Variants in KCNC2 observed in about 807,000 individuals in gnomAD.
KCNC2 encodes the protein potassium voltage-gated channel subfamily C member 2.
Under a neutral mutation model 44.5 loss-of-function variants are expected in KCNC2, and 21 were observed. That is an observed-to-expected ratio of 0.47 (90% CI 0.33 to 0.68). KCNC2 has a LOEUF of 0.68. KCNC2 is among the 30% of genes least tolerant of loss of function. The pLI is 0.01. For synonymous variants in KCNC2, 391 were observed against 339.1 expected (o/e 1.15, Z -1.68); for missense variants, 589 against 826.2 (o/e 0.71, Z 3.52).
intron 2 of KCNC2, among the ~76,000 whole-genome samples, chr12:75,181,066 CA>C (rs1379998613): frequency 1.1e-4 from 17 of 152,156 alleles, no homozygotes; most frequent in African/African-American, 3.6e-4. Context: ...TCTCAATGGA[CA>C]ATCTTCAATC....
chr12:75,114,502 T>G (rs563622778), intron 2 of KCNC2, among the ~76,000 whole-genome samples: 5 of 152,192 alleles, frequency 3.3e-5, no homozygotes, highest in African/African-American at 1.2e-4. Flanking sequence ...CCTTTAAGTC[T>G]TGGCCCCCTG....
At chr12:75,163,692 T>A (rs923398632) in intron 2 of KCNC2, among the ~76,000 whole-genome samples, 5 of 151,756 alleles carry the variant, frequency 3.3e-5, no homozygotes, top group Non-Finnish European at 5.9e-5. Context: ...TCCAACACAA[T>A]GTTGAAAATC....
intron 2 of KCNC2, among the ~76,000 whole-genome samples, chr12:75,067,384 TATTA>T (rs1158812712): frequency 6.6e-6 from 1 of 152,208 alleles, no homozygotes; most frequent in African/African-American, 2.4e-5. Flanking sequence ...CATTATAGTG[TATTA>T]ATTCATGTTT....
intron 2 of KCNC2, among the ~76,000 whole-genome samples, chr12:75,092,636 T>C (rs560547000): frequency 6.6e-6 from 1 of 151,684 alleles, no homozygotes; most frequent in South Asian, 2.1e-4. Context: ...CCTGGGTAAA[T>C]GATAATTATG....
At chr12:75,141,667 A>T (rs78345955) in intron 2 of KCNC2, among the ~76,000 whole-genome samples, 1 of 152,090 alleles carries the variant, frequency 6.6e-6, no homozygotes, top group East Asian at 1.9e-4. Context: ...TTTCAATGCG[A>T]TGTTTCCATG....
chr12:75,198,403 A>G (rs780430940), intron 2 of KCNC2, among the ~76,000 whole-genome samples: 1 of 151,876 alleles, frequency 6.6e-6, no homozygotes, highest in Admixed American at 6.6e-5. Context: ...GTACAGAGAA[A>G]AGTCAGTTAA....
At chr12:75,082,362 A>G (rs942999014) in intron 2 of KCNC2, among the ~76,000 whole-genome samples, 2 of 151,938 alleles carry the variant, frequency 1.3e-5, no homozygotes, top group African/African-American at 4.8e-5. Context: ...TGCACCTGAC[A>G]TTTGCTGTTA....
In KCNC2 at chr12:75,207,243, G is replaced by A; in HGVS notation, c.687+54C>T. 2 of 1,503,574 alleles carry A rather than the reference G, an allele frequency of 1.3e-6. No homozygotes were observed. The highest frequency in any genetic ancestry group is 2.5e-5 in the East Asian group (1 of 40,320). 93.1% of individuals were successfully genotyped at this position (1,503,574 alleles called of 1,614,324 possible). Reference sequence around the variant, plus strand: ...GGGGTGGAAAAGAACAGAAAGTTGGGGAGGGAGTTGGGAGAAGTTGAAGCA... The same window carrying A: ...GGGGTGGAAAAGAACAGAAAGTTGGAGAGGGAGTTGGGAGAAGTTGAAGCA... On this transcript the variant is annotated intron_variant, in intron 2 of 4. Coordinates refer to ENST00000549446, the MANE Select transcript of KCNC2 (RefSeq NM_139137.4). This position sits in a 1 kb window ranked among gnomAD's most constrained non-coding sequence, Gnocchi z 4.1.
chr12:75,045,590 C>A (rs1880404737), intron 4 of KCNC2, among the ~76,000 whole-genome samples: 1 of 151,818 alleles, frequency 6.6e-6, no homozygotes, highest in South Asian at 2.1e-4. Flanking sequence ...TGAGGGTAAA[C>A]ACTGTTGAAC....
chr12:75,074,664 G>A (rs1272190622), intron 2 of KCNC2, among the ~76,000 whole-genome samples: 1 of 151,996 alleles, frequency 6.6e-6, no homozygotes, highest in Non-Finnish European at 1.5e-5. Context: ...TATAAACCTG[G>A]CCTAAAAACT....
chr12:75,202,856 G>T (rs553790405), intron 2 of KCNC2, among the ~76,000 whole-genome samples: 74 of 144,814 alleles, frequency 5.1e-4, no homozygotes, highest in African/African-American at 1.7e-3. Flanking sequence ...CCATAATCTT[G>T]TTTTTTTTTA....
rs563133390 is a variant in KCNC2 at position 75,160,923 on chromosome 12, C to A, written c.687+46374G>T. On this transcript the variant is annotated intron_variant, in intron 2 of 4. Transcript: ENST00000549446. ...TAAATCTTCAAAATCTTGTGAAAAG[C>A]AAATTAGACAAAAACAAATTGAAAA... Among the ~76,000 whole-genome samples, 115 of 151,664 alleles carry A rather than the reference C, an allele frequency of 7.6e-4. 1 individual carries two copies. The highest frequency in any genetic ancestry group is 2.3e-3 in the South Asian group (11 of 4,814).
intron 2 of KCNC2, among the ~76,000 whole-genome samples, chr12:75,182,520 C>CAA (rs71438888): frequency 0.024 from 1,943 of 81,314 alleles, 58 homozygotes; most frequent in African/African-American, 0.074. Flanking sequence ...GATTCCGTCT[C>CAA]AAAAAAAAAA....
intron 2 of KCNC2, among the ~76,000 whole-genome samples, chr12:75,075,028 A>G (rs1003819893): frequency 1.3e-5 from 2 of 152,214 alleles, no homozygotes; most frequent in African/African-American, 4.8e-5. Flanking sequence ...TTGCATTATC[A>G]GATGAAAGTT....
At chr12:75,096,047 C>T (rs1365711258) in intron 2 of KCNC2, among the ~76,000 whole-genome samples, 1 of 151,470 alleles carries the variant, frequency 6.6e-6, no homozygotes, top group African/African-American at 2.4e-5. Context: ...CAAAATTCAG[C>T]TTCCACTCTT....
intron 2 of KCNC2, among the ~76,000 whole-genome samples, chr12:75,206,982 T>C (rs1409175002): frequency 2.0e-5 from 3 of 152,062 alleles, no homozygotes; most frequent in Non-Finnish European, 4.4e-5. Context: ...TCGAGATGAA[T>C]CCTCATACCC....
intron 3 of KCNC2, among the ~76,000 whole-genome samples, chr12:75,049,188 CACTT>C (rs1425418067): frequency 2.6e-5 from 4 of 152,082 alleles, no homozygotes; most frequent in African/African-American, 9.7e-5. Context: ...AACTTACAAA[CACTT>C]ACAAACTTCA....
chr12:75,091,312 G>A (rs1885453691), intron 2 of KCNC2, among the ~76,000 whole-genome samples: 2 of 151,602 alleles, frequency 1.3e-5, no homozygotes, highest in South Asian at 2.1e-4. Flanking sequence ...TGTGGCAACA[G>A]TGGTAGGACC....
chr12:75,044,854 G>A (rs898964424), intron 4 of KCNC2: 3 of 151,832 alleles, frequency 2.0e-5, no homozygotes, highest in Non-Finnish European at 2.9e-5. Flanking sequence ...CCAATGTTTT[G>A]TTAGTATTCT....
Sources: gnomAD v4.1 joint callset for allele counts (sites outside exome capture counted in the v4.1 genomes callset) on GRCh38, gnomAD v4.1.1 for gene constraint, Gnocchi (gnomAD v3.1) non-coding constraint, MANE v1.5 for transcripts, NCBI Gene and HGNC (gene_info 2026-07-23, HGNC 2026-07-21) for gene names.